DPP10: variants seen among roughly 807,000 people sequenced by gnomAD.
The protein encoded by DPP10 is dipeptidyl peptidase like 10, also known as inactive dipeptidyl peptidase 10.
Under a neutral mutation model 120.9 loss-of-function variants are expected in DPP10, and 33 were observed. The ratio of observed to expected loss-of-function variants is 0.27; its 90% confidence interval spans 0.21 to 0.37. The LOEUF is 0.37. DPP10 is among the 10% of genes least tolerant of loss of function. The probability of loss-of-function intolerance (pLI) is 1.00; values close to 1 mark genes in which losing one functional copy is unlikely to be tolerated. For synonymous variants in DPP10, 337 were observed against 326.1 expected (o/e 1.03, Z -0.36); for missense variants, 816 against 942.8 (o/e 0.87, Z 1.76).
chr2:115,092,126 CAGAA>C (rs1709317411), intron 1 of DPP10, among the ~76,000 whole-genome samples: 1 of 152,114 alleles, frequency 6.6e-6, no homozygotes, highest in African/African-American at 2.4e-5. Context: ...AACTGAACCT[CAGAA>C]AGCTTAGATA....
In DPP10 at chr2:115,108,304, A is replaced by C. The variant is rs542952523; in HGVS notation, c.61-200935A>C. 9.7e-4 allele frequency among the ~76,000 whole-genome samples: 148 copies of C among 152,348 alleles called. 1 individual carries two copies. In the Middle Eastern group the frequency reaches 0.02, roughly 21 times the overall value. ...GATGCCAGCAGAGGTTTGGTAGGTA[A>C]TATACAAGAATTGAACAGCCATATA... On this transcript the variant is annotated intron_variant, in intron 1 of 25. Coordinates refer to ENST00000410059, the MANE Select transcript of DPP10 (RefSeq NM_020868.6).
intron 1 of DPP10, among the ~76,000 whole-genome samples, chr2:115,217,236 GC>G (rs1286024885): frequency 1.3e-5 from 2 of 152,058 alleles, no homozygotes; most frequent in Non-Finnish European, 2.9e-5. Context: ...TTATCTAATG[GC>G]TTTAAATCTT....
rs186929386 is a variant in DPP10 at position 114,966,878 on chromosome 2, C to T, written c.61-342361C>T. 1.9e-3 allele frequency among the ~76,000 whole-genome samples: 291 copies of T among 152,108 alleles called. 1 individual carries two copies. The highest frequency in any genetic ancestry group is 6.7e-3 in the African/African-American group (278 of 41,486). ...TCAACATGGTGAAACCCTGCCTCTA[C>T]TTAAAATACAAAAATTAGCTGGGTG... On this transcript the variant is annotated intron_variant, in intron 1 of 25. Coordinates refer to ENST00000410059, the MANE Select transcript of DPP10 (RefSeq NM_020868.6).
chr2:114,450,193 C>A (rs890562628), intron 1 of DPP10, among the ~76,000 whole-genome samples: 2 of 152,062 alleles, frequency 1.3e-5, no homozygotes, highest in South Asian at 2.1e-4. Context: ...CCTTCCCCAT[C>A]CCCCAAACCC....
intron 3 of DPP10, among the ~76,000 whole-genome samples, chr2:115,395,914 T>C (rs1276649313): frequency 1.3e-5 from 2 of 152,162 alleles, no homozygotes; most frequent in Non-Finnish European, 2.9e-5. Context: ...TGTGTATATA[T>C]TATATTCTCA....
intron 5 of DPP10, among the ~76,000 whole-genome samples, chr2:115,576,601 C>A (rs1442998921): frequency 6.6e-6 from 1 of 152,164 alleles, no homozygotes; most frequent in Non-Finnish European, 1.5e-5. Flanking sequence ...GAGAACCAAA[C>A]TTAAATGTAC....
chr2:115,149,514 AT>A (rs1440807860), intron 1 of DPP10, among the ~76,000 whole-genome samples: 2 of 152,040 alleles, frequency 1.3e-5, no homozygotes, highest in Non-Finnish European at 2.9e-5. Context: ...TTGAAGTGCT[AT>A]TTTTTCCTTC....
At chr2:114,870,537 T>TCC (rs1690610495) in intron 1 of DPP10, among the ~76,000 whole-genome samples, 1 of 138,202 alleles carries the variant, frequency 7.2e-6, no homozygotes, top group Admixed American at 7.5e-5. Flanking sequence ...CAAAAAGTAG[T>TCC]CAGGTAGAAA....
intron 5 of DPP10, among the ~76,000 whole-genome samples, chr2:115,622,846 TG>T (rs1220153282): frequency 1.3e-5 from 2 of 148,722 alleles, no homozygotes; most frequent in African/African-American, 5.0e-5. Flanking sequence ...TTTTTTTTTT[TG>T]TTTTTTGTTT....
chr2:114,637,373 G>A (rs759877033), intron 1 of DPP10, among the ~76,000 whole-genome samples: 1 of 151,880 alleles, frequency 6.6e-6, no homozygotes, highest in Non-Finnish European at 1.5e-5. Flanking sequence ...CACAGGAATT[G>A]GTTGAGCATA....
chr2:115,752,489 C>T (rs1004534339), intron 10 of DPP10, among the ~76,000 whole-genome samples: 3 of 152,084 alleles, frequency 2.0e-5, no homozygotes, highest in Non-Finnish European at 4.4e-5. Context: ...CTCCCATCTT[C>T]TTTAATTTGA....
At chr2:115,010,947 A>T (rs1247071759) in intron 1 of DPP10, among the ~76,000 whole-genome samples, 6 of 152,200 alleles carry the variant, frequency 3.9e-5, no homozygotes, top group African/African-American at 1.2e-4. Context: ...AAATAATTAC[A>T]GTCATGTCTC....
At chr2:114,875,882 G>C (rs1691108703) in intron 1 of DPP10, among the ~76,000 whole-genome samples, 1 of 152,040 alleles carries the variant, frequency 6.6e-6, no homozygotes, top group African/African-American at 2.4e-5. Flanking sequence ...GGCATCTTTA[G>C]AGCCCTAAAT....
intron 3 of DPP10, among the ~76,000 whole-genome samples, chr2:115,413,160 C>A (rs1347906088): frequency 6.6e-6 from 1 of 152,088 alleles, no homozygotes; most frequent in African/African-American, 2.4e-5. Flanking sequence ...AGAAGTCCAT[C>A]TGAGGAAGAG....
At chr2:115,622,791 AAATGTTATTAGAAC>A (rs2085055750) in intron 5 of DPP10, among the ~76,000 whole-genome samples, 1 of 151,340 alleles carries the variant, frequency 6.6e-6, no homozygotes, top group African/African-American at 2.4e-5. Context: ...TTTGTAAATA[AAATGTTATTAGAAC>A]ACAGCCACCC....
chr2:115,390,827 G>C (rs574231844), intron 3 of DPP10, among the ~76,000 whole-genome samples: 2 of 152,272 alleles, frequency 1.3e-5, no homozygotes, highest in East Asian at 3.9e-4. Context: ...TAGTGAAGAA[G>C]TTTGAATTAA....
chr2:114,565,362 T>C (rs1014996004), intron 1 of DPP10, among the ~76,000 whole-genome samples: 1 of 152,178 alleles, frequency 6.6e-6, no homozygotes, highest in Non-Finnish European at 1.5e-5. Context: ...AATGGAGTAA[T>C]GGCTTTGTCT....
intron 1 of DPP10, among the ~76,000 whole-genome samples, chr2:114,726,184 C>T (rs902422232): frequency 7.2e-4 from 109 of 150,498 alleles, no homozygotes; most frequent in African/African-American, 2.1e-3. Flanking sequence ...TGCAGTGAGC[C>T]GAGATTGCAC....
At chr2:114,623,330 G>A (rs796623023) in intron 1 of DPP10, among the ~76,000 whole-genome samples, 3 of 152,218 alleles carry the variant, frequency 2.0e-5, no homozygotes, top group African/African-American at 7.2e-5. Flanking sequence ...AACGGTCAAT[G>A]TTTTATGCAT....
Sources: gnomAD v4.1 joint callset for allele counts (sites outside exome capture counted in the v4.1 genomes callset) on GRCh38, gnomAD v4.1.1 for gene constraint, MANE v1.5 for transcripts, NCBI Gene and HGNC (gene_info 2026-07-23, HGNC 2026-07-21) for gene names.